PCDH1: variants seen among roughly 807,000 people sequenced by gnomAD.
The protein encoded by PCDH1 is protocadherin 1.
PCDH1 carries 23 observed loss-of-function variants against 74.6 expected under a neutral mutation model. That is an observed-to-expected ratio of 0.31 (90% CI 0.22 to 0.44). PCDH1 has a LOEUF of 0.44. PCDH1 is among the 20% of genes least tolerant of loss of function. PCDH1 has a pLI of 1.00. For missense variants in PCDH1, 1,214 were observed against 1,641.4 expected, an observed-to-expected ratio of 0.74 and a Z score of 4.50; for synonymous variants, 647 against 686.1, an observed-to-expected ratio of 0.94 and a Z score of 0.89.
Position 141,863,526 on chromosome 5 carries a change from C to T in PCDH1, c.2805G>A (p.Lys935=), listed in dbSNP as rs1168778019. 1 of 1,613,858 alleles carries T rather than the reference C, an allele frequency of 6.2e-7. No homozygotes were observed. The highest frequency in any genetic ancestry group is 1.7e-5 in the Admixed American group (1 of 59,988). The change falls in exon 3 of 5, where the codon AAG becomes AAA. Residue 935 remains lysine (K), a synonymous_variant. Transcript: ENST00000287008. The surrounding 1 kb of genome is among the most constrained non-coding windows in gnomAD (Gnocchi z 7.5). The part of the protein sequence containing the change: ...VEDEDEAGLQ[K]SLKFNLMSDA... ...CGCTCATCAGGTTGAACTTGAGGGA[C>T]TTCTGCAGCCCGGCCTCATCCTCGT...
At position 141,864,779 on chromosome 5, in the gene PCDH1, T is replaced by C. The variant is rs1407010842; in HGVS notation, c.1552A>G (p.Asn518Asp). The change falls in exon 3 of 5, where the codon AAC (asparagine) becomes GAC (aspartate). Residue 518 changes from asparagine (N) to aspartate (D), a missense_variant. Transcript: ENST00000287008. This position sits in a 1 kb window ranked among gnomAD's most constrained non-coding sequence, Gnocchi z 5.9. ...QSVTEVAFPE[N>D]NKPGEVIAEI... ...GCAATCACTTCACCAGGCTTGTTGT[T>C]TTCCGGGAAGGCGACCTCAGTGACA... The C allele has an allele frequency of 6.2e-7, 1 of 1,613,940 alleles. No homozygotes were observed. Among genetic ancestry groups the C allele is most frequent in the Non-Finnish European group, 8.5e-7 (1 of 1,180,006 alleles).
chr5:141,854,255 C>G lies in PCDH1; in HGVS notation c.3501G>C (p.Ala1167=), dbSNP rs1039517729. ...PYQDRGGQEP[A]GAGSPSPPED... is the part of the protein sequence containing the mutation. ...CCGGGGGGCTGGGGCTGCCGGCGCC[C>G]GCAGGCTCCTGCCCTCCTCGGTCCT... The change falls in exon 5 of 5, where the codon GCG becomes GCC. Residue 1167 remains alanine, a synonymous_variant. Coordinates refer to ENST00000287008, the MANE Select transcript of PCDH1 (RefSeq NM_032420.5). 7 of 1,612,274 alleles carry G rather than the reference C, an allele frequency of 4.3e-6. No homozygotes were observed. The East Asian group carries it at 1.6e-4, about 36-fold the overall frequency.
chr5:141,866,850 T>C (rs1279879834), intron 2 of PCDH1, among the ~76,000 whole-genome samples: 1 of 152,210 alleles, frequency 6.6e-6, no homozygotes, highest in African/African-American at 2.4e-5. Flanking sequence ...CCTACCCGCC[T>C]GCCTCTGAAA....
intron 3 of PCDH1, among the ~76,000 whole-genome samples, chr5:141,859,123 G>A (rs993355897): frequency 6.6e-6 from 1 of 152,170 alleles, no homozygotes; most frequent in Non-Finnish European, 1.5e-5. Flanking sequence ...GATGTTTGGG[G>A]CCGGGAGGCT....
chr5:141,863,858 G>T lies in PCDH1; in HGVS notation c.2473C>A (p.Leu825Ile). 3 of 1,614,178 alleles carry T rather than the reference G, an allele frequency of 1.9e-6. No homozygotes were observed. The highest frequency in any genetic ancestry group is 2.5e-6 in the Non-Finnish European group (3 of 1,180,028). ...GGCGTGTCCAGGCTGTGGCCCAGGA[G>T]GGTCTCCAGCAGCGTGCGGTTGGCC... ...TLANRTLLET[L>I]LGHSLDTPLD... The change falls in exon 3 of 5, where the codon CTC becomes ATC. Residue 825 changes from leucine (L) to isoleucine (I), a missense_variant. By Grantham distance (5) the Leu-to-Ile change is conservative. Coordinates refer to ENST00000287008, the MANE Select transcript of PCDH1 (RefSeq NM_032420.5). This position sits in a 1 kb window ranked among gnomAD's most constrained non-coding sequence, Gnocchi z 7.5.
Position 141,854,024 on chromosome 5 carries a change from G to T in PCDH1, c.*18C>A. ...GGCCGGCGGCTGGGGGAGGGGGGCCGGCCGGCCAGTAGGGGGCTCACAGGT... is the reference window on the plus strand; with the variant it reads ...GGCCGGCGGCTGGGGGAGGGGGGCCTGCCGGCCAGTAGGGGGCTCACAGGT... On this transcript the variant is annotated 3_prime_UTR_variant, in exon 5 of 5. Coordinates refer to ENST00000287008, the MANE Select transcript of PCDH1 (RefSeq NM_032420.5). The T allele has an allele frequency of 1.4e-6, 2 of 1,473,662 alleles. No homozygotes were observed. Among genetic ancestry groups the T allele is most frequent in the Non-Finnish European group, 1.8e-6 (2 of 1,111,938 alleles). The allele number at this position is 1,473,662 out of a possible 1,614,324, so 91.3% of individuals were successfully genotyped here. A position where few individuals can be genotyped will look rare whatever the true frequency, so the allele number is the denominator to read the frequency against.
rs770703124 is a variant in PCDH1, at chr5:141,854,251, C to T, written c.3505G>A (p.Ala1169Thr). 7.4e-6 allele frequency: 12 copies of T among 1,611,634 alleles called. No homozygotes were observed. Among genetic ancestry groups the T allele is most frequent in the South Asian group, 6.6e-5 (6 of 90,824 alleles). ...QDRGGQEPAG[A>T]GSPSPPEDRN... ...TCTTCCGGGGGGCTGGGGCTGCCGGCGCCCGCAGGCTCCTGCCCTCCTCGG... is the reference window on the plus strand; with the variant it reads ...TCTTCCGGGGGGCTGGGGCTGCCGGTGCCCGCAGGCTCCTGCCCTCCTCGG... Residue 1169 changes from alanine (A) to threonine (T), a missense_variant, in exon 5 of 5, where the codon GCC becomes ACC. Around this residue, in one of 4 missense-constraint regions of PCDH1, gnomAD observed 194 missense variants for 198.3 expected, o/e 0.98. Coordinates refer to ENST00000287008, the MANE Select transcript of PCDH1 (RefSeq NM_032420.5).
In PCDH1 at chr5:141,857,475, C is replaced by A; in HGVS notation, c.3100-4G>T. 6.2e-7 allele frequency: 1 copy of A among 1,612,170 alleles called. No individual in the cohort carries two copies. The highest frequency in any genetic ancestry group is 1.7e-5 in the Admixed American group (1 of 59,830). ...AGGTGACGCGGCGGTGAGGTAACTGCAGGGAGACAGATTGTCACTACTGAC... is the reference window on the plus strand; with the variant it reads ...AGGTGACGCGGCGGTGAGGTAACTGAAGGGAGACAGATTGTCACTACTGAC... On this transcript the variant is annotated splice_polypyrimidine_tract_variant and splice_region_variant and intron_variant, in intron 3 of 4. Coordinates refer to ENST00000287008, the MANE Select transcript of PCDH1 (RefSeq NM_032420.5).
intron 3 of PCDH1, among the ~76,000 whole-genome samples, chr5:141,859,072 G>T (rs1258394152): frequency 5.3e-5 from 8 of 152,142 alleles, no homozygotes; most frequent in Non-Finnish European, 4.4e-5. Context: ...AAACACTGAA[G>T]GGTCTGGGTG....
At position 141,857,313 on chromosome 5, in the gene PCDH1, C is replaced by A; in HGVS notation, c.3258G>T (p.Glu1086Asp). 1.2e-6 allele frequency: 2 copies of A among 1,613,272 alleles called. No individual in the cohort carries two copies. Among genetic ancestry groups the A allele is most frequent in the Non-Finnish European group, 1.7e-6 (2 of 1,179,752 alleles). ...GPRLGPLALP[E>D]DHYERTTPDG... The stretch of plus-strand genomic sequence containing the variant: ...CAGGGGTGGTGCGCTCATAGTGATC[C>A]TCAGGCAGGGCCAGGGGACCGAGTC... The change falls in exon 4 of 5, where the codon GAG becomes GAT. Residue 1086 changes from glutamate to aspartate, a missense_variant. Glu to Asp is a conservative substitution (Grantham distance 45). Coordinates refer to ENST00000287008, the MANE Select transcript of PCDH1 (RefSeq NM_032420.5).
chr5:141,862,899 C>T (rs1231173065), intron 3 of PCDH1: 9 of 1,209,830 alleles, frequency 7.4e-6, no homozygotes, highest in Non-Finnish European at 9.2e-6. Flanking sequence ...ACCCATTTCC[C>T]TCCCCACTTA....
chr5:141,857,559 A>C, intron 3 of PCDH1, 88 bp from the exon 4 acceptor site: 1 of 1,128,244 alleles, frequency 8.9e-7, no homozygotes, highest in South Asian at 1.6e-5. Flanking sequence ...GCCAAGCACC[A>C]TCCTACTCAG....
At chr5:141,867,014 C>A (rs983766650) in intron 2 of PCDH1, among the ~76,000 whole-genome samples, 1 of 152,222 alleles carries the variant, frequency 6.6e-6, no homozygotes, top group African/African-American at 2.4e-5. Context: ...GTACCCTGGT[C>A]TCTGCTCACA....
At position 141,863,892 on chromosome 5, in the gene PCDH1, A is replaced by AGT; in HGVS notation, c.2438_2439insAC (p.Asn813LysfsTer111). ...GCAGCGTGCGGTTGGCCAGAGTCTC[A>AGT]TTGACATAAAGATGGACCAAGGCTG... is the stretch of plus-strand genomic sequence containing the variant. On this transcript the variant is annotated frameshift_variant, in exon 3 of 5. Transcript: ENST00000287008. LOFTEE classifies it high-confidence loss of function. This position sits in a 1 kb window ranked among gnomAD's most constrained non-coding sequence, Gnocchi z 7.5. 6.2e-7 allele frequency: 1 copy of AGT among 1,614,028 alleles called. No individual in the cohort carries two copies. The highest frequency in any genetic ancestry group is 1.1e-5 in the South Asian group (1 of 91,088).
Position 141,863,856 on chromosome 5 carries a change from GA to G in PCDH1, c.2474del (p.Leu825ProfsTer98). The G allele has an allele frequency of 6.2e-7, 1 of 1,614,184 alleles. No individual in the cohort carries two copies. Among genetic ancestry groups the G allele is most frequent in the Non-Finnish European group, 8.5e-7 (1 of 1,180,026 alleles). On this transcript the variant is annotated frameshift_variant, in exon 3 of 5. Coordinates refer to ENST00000287008, the MANE Select transcript of PCDH1 (RefSeq NM_032420.5). LOFTEE classifies it high-confidence loss of function. The surrounding 1 kb of genome is among the most constrained non-coding windows in gnomAD (Gnocchi z 7.5). The stretch of plus-strand genomic sequence containing the variant: ...GCGGCGTGTCCAGGCTGTGGCCCAG[GA>G]GGGTCTCCAGCAGCGTGCGGTTGGC... ...TLANRTLLET[L>X]LGHSLDTPLD...
At position 141,868,902 on chromosome 5, in the gene PCDH1, C is replaced by T. The variant is rs1254046746; in HGVS notation, c.570G>A (p.Pro190=). 17 of 1,614,210 alleles carry T rather than the reference C, an allele frequency of 1.1e-5. No individual in the cohort carries two copies. The highest frequency in any genetic ancestry group is 1.4e-5 in the Non-Finnish European group (16 of 1,180,042). Residue 190 remains proline, a synonymous_variant, in exon 2 of 5, where the codon CCG becomes CCA. Transcript: ENST00000287008. This position sits in a 1 kb window ranked among gnomAD's most constrained non-coding sequence, Gnocchi z 4.8. Reference sequence around the variant, plus strand: ...GACCAGCATCACGGTCTGAAGCCAGCGGGATGGGGAAGAGTGAGCCGATGT... The same window carrying T: ...GACCAGCATCACGGTCTGAAGCCAGTGGGATGGGGAAGAGTGAGCCGATGT... The part of the protein sequence containing the change: ...NTNIGSLFPI[P]LASDRDAGPN...
At position 141,869,977 on chromosome 5, in the gene PCDH1, T is replaced by C. The variant is rs1369318922; in HGVS notation, c.41-546A>G. On this transcript the variant is annotated intron_variant, in intron 1 of 4. Coordinates refer to ENST00000287008, the MANE Select transcript of PCDH1 (RefSeq NM_032420.5). This position sits in a 1 kb window ranked among gnomAD's most constrained non-coding sequence, Gnocchi z 4.9. The stretch of plus-strand genomic sequence containing the variant: ...CCCCAGACCCTGGGACCTTGACTTG[T>C]CACACTGGGCTCCATTAAGGTTGGC... Among the ~76,000 whole-genome samples, 2 of 152,168 alleles carry C rather than the reference T, an allele frequency of 1.3e-5. No individual in the cohort carries two copies. The highest frequency in any genetic ancestry group is 4.8e-5 in the African/African-American group (2 of 41,438).
Position 141,868,218 on chromosome 5 carries a change from C to T in PCDH1, c.903+351G>A, listed in dbSNP as rs973068994. Among the ~76,000 whole-genome samples, 4 of 152,204 alleles carry T rather than the reference C, an allele frequency of 2.6e-5. No homozygotes were observed. Among genetic ancestry groups the T allele is most frequent in the South Asian group, 2.1e-4 (1 of 4,830 alleles). Reference sequence around the variant, plus strand: ...TCAGGAGAGATTCTACCTGGATAAACGGTGATTCCTTTGTTCCAACTCAGC... The same window carrying T: ...TCAGGAGAGATTCTACCTGGATAAATGGTGATTCCTTTGTTCCAACTCAGC... On this transcript the variant is annotated intron_variant, in intron 2 of 4. Coordinates refer to ENST00000287008, the MANE Select transcript of PCDH1 (RefSeq NM_032420.5). This position sits in a 1 kb window ranked among gnomAD's most constrained non-coding sequence, Gnocchi z 4.8.
In PCDH1 at chr5:141,864,913, G is replaced by T. The variant is rs746315371; in HGVS notation, c.1418C>A (p.Thr473Asn). The T allele has an allele frequency of 6.2e-7, 1 of 1,614,160 alleles. No homozygotes were observed. Among genetic ancestry groups the T allele is most frequent in the Non-Finnish European group, 8.5e-7 (1 of 1,180,030 alleles). The change falls in exon 3 of 5, where the codon ACC becomes AAC. Residue 473 changes from threonine (T) to asparagine (N), a missense_variant. Coordinates refer to ENST00000287008, the MANE Select transcript of PCDH1 (RefSeq NM_032420.5). The surrounding 1 kb of genome is among the most constrained non-coding windows in gnomAD (Gnocchi z 5.9). Reference sequence around the variant, plus strand: ...AGAGTCCACAGCCACAATCTCAATGGTGTAGTCTTTGACCTTCTCGTAGTC... The same window carrying T: ...AGAGTCCACAGCCACAATCTCAATGTTGTAGTCTTTGACCTTCTCGTAGTC... ...PLDYEKVKDYTIEIVAVDSGN... is the reference protein window; with the variant it reads ...PLDYEKVKDYNIEIVAVDSGN...
Sources: allele counts gnomAD v4.1 joint callset (sites outside exome capture counted in the v4.1 genomes callset), GRCh38; gene constraint gnomAD v4.1.1; regional missense constraint gnomAD v4.1.1; non-coding constraint Gnocchi (gnomAD v3.1); transcripts MANE v1.5; gene names NCBI Gene and HGNC (gene_info 2026-07-23, HGNC 2026-07-21).